The following PBX3 variants were observed in gnomAD, a reference collection of about 807,000 sequenced individuals.
PBX3 encodes PBX homeobox 3.
PBX3 carries 14 observed loss-of-function variants against 48.5 expected under a neutral mutation model. The observed-to-expected ratio is 0.29, with a 90% CI of 0.19 to 0.45. The LOEUF (loss-of-function observed/expected upper bound fraction) is 0.45, where lower values mean the gene tolerates loss of function less well. Among genes scored for constraint, PBX3 ranks in the 20% least tolerant of loss-of-function variants. The pLI is 1.00. For missense variants in PBX3, 386 were observed against 546.7 expected, an observed-to-expected ratio of 0.71 and a Z score of 2.93; for synonymous variants, 210 against 200.3, an observed-to-expected ratio of 1.05 and a Z score of -0.41.
intron 8 of PBX3, among the ~76,000 whole-genome samples, chr9:125,963,789 T>A (rs1406237699): frequency 6.6e-6 from 1 of 152,026 alleles, no homozygotes; most frequent in Non-Finnish European, 1.5e-5. Flanking sequence ...CTCACGGTAG[T>A]AGACTCAGGA....
At chr9:125,888,059 TCTA>T (rs1240535183) in intron 2 of PBX3, among the ~76,000 whole-genome samples, 1 of 152,142 alleles carries the variant, frequency 6.6e-6, no homozygotes, top group Non-Finnish European at 1.5e-5. Flanking sequence ...TAGATAGACT[TCTA>T]CTACTAGTAA....
intron 1 of PBX3, among the ~76,000 whole-genome samples, chr9:125,747,946 A>C (rs1588111247): frequency 2.0e-5 from 3 of 146,958 alleles, no homozygotes; most frequent in African/African-American, 2.5e-5. Flanking sequence ...AGGGATTTAA[A>C]CCTCCCGCCC....
chr9:125,910,392 T>C (rs1287871571), intron 2 of PBX3, among the ~76,000 whole-genome samples: 1 of 152,114 alleles, frequency 6.6e-6, no homozygotes, highest in Non-Finnish European at 1.5e-5. Context: ...CTGTAATATA[T>C]GGTAAGAGAC....
At chr9:125,864,157 C>A (rs961549304) in intron 2 of PBX3, among the ~76,000 whole-genome samples, 1 of 152,162 alleles carries the variant, frequency 6.6e-6, no homozygotes, top group Non-Finnish European at 1.5e-5. Flanking sequence ...TGGGATTCCC[C>A]ATGAGAGTAA....
chr9:125,813,274 A>AG, intron 2 of PBX3, among the ~76,000 whole-genome samples: 1 of 150,774 alleles, frequency 6.6e-6, no homozygotes, highest in East Asian at 1.9e-4. Context: ...TTACTTTTTA[A>AG]TTTTTTTTTG....
At chr9:125,852,878 A>G (rs143623252) in intron 2 of PBX3, among the ~76,000 whole-genome samples, 112 of 152,254 alleles carry the variant, frequency 7.4e-4, no homozygotes, top group African/African-American at 2.6e-3. Flanking sequence ...GCAAATAGTA[A>G]TAGACTTTTT....
intron 2 of PBX3, among the ~76,000 whole-genome samples, chr9:125,853,314 T>A (rs1839632487): frequency 1.3e-5 from 2 of 152,230 alleles, no homozygotes; most frequent in Non-Finnish European, 2.9e-5. Flanking sequence ...ACTCTGATGC[T>A]TTTTCTAGGA....
intron 2 of PBX3, among the ~76,000 whole-genome samples, chr9:125,764,972 C>T (rs1836764142): frequency 6.6e-6 from 1 of 151,330 alleles, no homozygotes; most frequent in African/African-American, 2.4e-5. Flanking sequence ...AGAGTCTAGC[C>T]ATCTAAGAAA....
chr9:125,903,694 G>A (rs1008354800), intron 2 of PBX3, among the ~76,000 whole-genome samples: 3 of 151,860 alleles, frequency 2.0e-5, no homozygotes, highest in African/African-American at 7.2e-5. Flanking sequence ...CAAATTTACT[G>A]AGGGTCTTGT....
chr9:125,750,502 A>G (rs954202266), intron 2 of PBX3, among the ~76,000 whole-genome samples: 3 of 152,222 alleles, frequency 2.0e-5, no homozygotes, highest in Admixed American at 2.0e-4. Flanking sequence ...AGTCAACCAC[A>G]TGTCAAAGGT....
chr9:125,957,871 CAGTCTT>C (rs1325066848), intron 5 of PBX3, among the ~76,000 whole-genome samples: 1 of 152,164 alleles, frequency 6.6e-6, no homozygotes, highest in African/African-American at 2.4e-5. Flanking sequence ...TAAGGCCTGA[CAGTCTT>C]AGTCAGAAAC....
intron 2 of PBX3, among the ~76,000 whole-genome samples, chr9:125,840,600 T>C (rs1839263296): frequency 6.6e-6 from 1 of 151,922 alleles, no homozygotes; most frequent in Admixed American, 6.6e-5. Flanking sequence ...AACTCCTCGA[T>C]CTCCTTGGTA....
chr9:125,859,961 A>G (rs947199030), intron 2 of PBX3, among the ~76,000 whole-genome samples: 3 of 152,178 alleles, frequency 2.0e-5, no homozygotes, highest in African/African-American at 7.2e-5. Context: ...AACTGAAAAA[A>G]CACTCACTCA....
At chr9:125,851,448 A>G (rs1395097861) in intron 2 of PBX3, among the ~76,000 whole-genome samples, 4 of 152,130 alleles carry the variant, frequency 2.6e-5, no homozygotes, top group Non-Finnish European at 4.4e-5. Context: ...TTGAAAACCA[A>G]GGTGGGATTT....
chr9:125,903,887 T>C (rs1435760443), intron 2 of PBX3, among the ~76,000 whole-genome samples: 2 of 151,862 alleles, frequency 1.3e-5, no homozygotes, highest in Non-Finnish European at 2.9e-5. Context: ...TCTAGCTTTT[T>C]CACCTTCCAG....
chr9:125,897,967 C>T (rs1026820723), intron 2 of PBX3, among the ~76,000 whole-genome samples: 6 of 151,726 alleles, frequency 4.0e-5, no homozygotes, highest in Non-Finnish European at 8.8e-5. Context: ...ACCCAATATA[C>T]TACAAAATAC....
intron 8 of PBX3, among the ~76,000 whole-genome samples, chr9:125,964,829 T>C (rs1157422192): frequency 6.6e-6 from 1 of 152,188 alleles, no homozygotes; most frequent in African/African-American, 2.4e-5. Flanking sequence ...GCATTTTGGA[T>C]GGACTTGCAG....
chr9:125,782,423 C>T (rs973786222), intron 2 of PBX3, among the ~76,000 whole-genome samples: 17 of 152,112 alleles, frequency 1.1e-4, no homozygotes, highest in African/African-American at 4.1e-4. Flanking sequence ...TGGTTTTGCC[C>T]ACCTAGTTTC....
At chr9:125,782,092 C>T (rs528845543) in intron 2 of PBX3, among the ~76,000 whole-genome samples, 2 of 152,086 alleles carry the variant, frequency 1.3e-5, no homozygotes, top group Non-Finnish European at 1.5e-5. Context: ...CATTTTCATG[C>T]TCCTGCTAAA....
Sources: gnomAD v4.1 joint callset for allele counts (sites outside exome capture counted in the v4.1 genomes callset) on GRCh38, gnomAD v4.1.1 for gene constraint, MANE v1.5 for transcripts, NCBI Gene and HGNC (gene_info 2026-07-23, HGNC 2026-07-21) for gene names.